CHST11: variants seen among roughly 807,000 people sequenced by gnomAD.
The protein encoded by CHST11 is carbohydrate sulfotransferase 11.
Under a neutral mutation model 30.4 loss-of-function variants are expected in CHST11, and 9 were observed. The observed-to-expected ratio is 0.30, with a 90% CI of 0.18 to 0.52. The LOEUF (loss-of-function observed/expected upper bound fraction) is 0.52. CHST11 is among the 20% of genes least tolerant of loss of function. CHST11 has a pLI of 0.97. For synonymous variants in CHST11, 152 were observed against 187.8 expected, an observed-to-expected ratio of 0.81 and a Z score of 1.56; for missense variants, 348 against 460.6, an observed-to-expected ratio of 0.76 and a Z score of 2.24.
chr12:104,479,402 G>A (rs1263373799), intron 1 of CHST11, among the ~76,000 whole-genome samples: 1 of 152,132 alleles, frequency 6.6e-6, no homozygotes, highest in Non-Finnish European at 1.5e-5. Flanking sequence ...TAAGGGCAGG[G>A]ATTTTTATAT....
chr12:104,713,735 T>C (rs557458094), intron 2 of CHST11, among the ~76,000 whole-genome samples: 44 of 152,296 alleles, frequency 2.9e-4, no homozygotes, highest in African/African-American at 1.1e-3. Context: ...AGGCCATTTA[T>C]CCTCATTACC....
At chr12:104,738,208 A>G (rs2040317261) in intron 2 of CHST11, among the ~76,000 whole-genome samples, 1 of 151,894 alleles carries the variant, frequency 6.6e-6, no homozygotes, top group African/African-American at 2.4e-5. Context: ...CTGCCCTGTC[A>G]TTTTGGGCAT....
intron 2 of CHST11, among the ~76,000 whole-genome samples, chr12:104,695,769 C>G (rs904256692): frequency 1.6e-4 from 25 of 152,204 alleles, no homozygotes; most frequent in Non-Finnish European, 7.4e-5. Context: ...CCAGCTCCCC[C>G]TTCACAGCCC....
At chr12:104,751,077 G>T (rs1275586040) in intron 2 of CHST11, among the ~76,000 whole-genome samples, 2 of 152,154 alleles carry the variant, frequency 1.3e-5, no homozygotes, top group South Asian at 2.1e-4. Flanking sequence ...CAAATACCAG[G>T]TTTAAAAGCC....
chr12:104,562,678 G>A (rs2038525095), intron 1 of CHST11, among the ~76,000 whole-genome samples: 1 of 152,186 alleles, frequency 6.6e-6, no homozygotes, highest in Non-Finnish European at 1.5e-5. Context: ...GGGGGCTTAG[G>A]CATTATTAAT....
chr12:104,677,881 T>C (rs959644941), intron 2 of CHST11, among the ~76,000 whole-genome samples: 1 of 152,178 alleles, frequency 6.6e-6, no homozygotes, highest in Non-Finnish European at 1.5e-5. Context: ...TGGCCCACAT[T>C]CCTCAAACAT....
At chr12:104,717,028 G>T (rs1021821330) in intron 2 of CHST11, among the ~76,000 whole-genome samples, 4 of 152,124 alleles carry the variant, frequency 2.6e-5, no homozygotes, top group African/African-American at 9.7e-5. Flanking sequence ...TCTTATCACT[G>T]AATCCCCTGC....
At chr12:104,610,130 C>A (rs1283271662) in intron 2 of CHST11, among the ~76,000 whole-genome samples, 2 of 149,768 alleles carry the variant, frequency 1.3e-5, no homozygotes, top group Admixed American at 1.3e-4. Context: ...TTCACTCAAC[C>A]TTTATTCTAT....
chr12:104,463,279 A>AT (rs575892119), intron 1 of CHST11, among the ~76,000 whole-genome samples: 6 of 150,720 alleles, frequency 4.0e-5, no homozygotes, highest in East Asian at 1.9e-4. Flanking sequence ...CTGCTGATTC[A>AT]TTTTTTTTTC....
intron 2 of CHST11, among the ~76,000 whole-genome samples, chr12:104,640,988 G>A (rs2039371283): frequency 6.6e-6 from 1 of 152,178 alleles, no homozygotes; most frequent in South Asian, 2.1e-4. Context: ...CAACAGAGAG[G>A]GGAGAAGCAG....
intron 2 of CHST11, among the ~76,000 whole-genome samples, chr12:104,607,685 G>A (rs1183507182): frequency 2.0e-5 from 3 of 152,186 alleles, no homozygotes; most frequent in Non-Finnish European, 4.4e-5. Context: ...AGAACTGTGA[G>A]GGGTTTGTGG....
At chr12:104,732,315 T>A (rs2040264665) in intron 2 of CHST11, among the ~76,000 whole-genome samples, 3 of 152,188 alleles carry the variant, frequency 2.0e-5, no homozygotes, top group African/African-American at 7.2e-5. Flanking sequence ...CTCAGAAAGA[T>A]GAAAGCAGTG....
chr12:104,723,815 A>G (rs772960635), intron 2 of CHST11, among the ~76,000 whole-genome samples: 11 of 152,374 alleles, frequency 7.2e-5, no homozygotes, highest in Non-Finnish European at 1.5e-4. Flanking sequence ...TTCTCAGAGA[A>G]AAACAGTTCC....
At chr12:104,533,587 T>TA (rs1370484044) in intron 1 of CHST11, among the ~76,000 whole-genome samples, 1 of 152,056 alleles carries the variant, frequency 6.6e-6, no homozygotes, top group East Asian at 1.9e-4. Context: ...ACTTGACAAC[T>TA]AAAAAAATGA....
chr12:104,743,324 G>A (rs2040363495), intron 2 of CHST11, among the ~76,000 whole-genome samples: 1 of 152,196 alleles, frequency 6.6e-6, no homozygotes, highest in Non-Finnish European at 1.5e-5. Flanking sequence ...CTGAGTGTGA[G>A]CCTTCCTAAC....
At chr12:104,481,268 C>G (rs1283002585) in intron 1 of CHST11, among the ~76,000 whole-genome samples, 1 of 152,202 alleles carries the variant, frequency 6.6e-6, no homozygotes, top group Admixed American at 6.5e-5. Flanking sequence ...GCCACTCTGC[C>G]TTCTTTCAGT....
intron 1 of CHST11, among the ~76,000 whole-genome samples, chr12:104,542,393 TATAAAC>T (rs2038294496): frequency 6.6e-6 from 1 of 152,192 alleles, no homozygotes; most frequent in African/African-American, 2.4e-5. Context: ...CCAAATGTAA[TATAAAC>T]ATACAATGGA....
At chr12:104,652,543 A>G (rs537678146) in intron 2 of CHST11, among the ~76,000 whole-genome samples, 1 of 152,302 alleles carries the variant, frequency 6.6e-6, no homozygotes, top group East Asian at 1.9e-4. Flanking sequence ...TGGAGAACAG[A>G]GCTCAGATTT....
At chr12:104,678,935 A>C in intron 2 of CHST11, among the ~76,000 whole-genome samples, 1 of 152,132 alleles carries the variant, frequency 6.6e-6, no homozygotes, top group East Asian at 1.9e-4. Flanking sequence ...ACACAGTCTT[A>C]GGGTTATTTT....
Sources: gnomAD v4.1 joint callset for allele counts (sites outside exome capture counted in the v4.1 genomes callset) on GRCh38, gnomAD v4.1.1 for gene constraint, MANE v1.5 for transcripts, NCBI Gene and HGNC (gene_info 2026-07-23, HGNC 2026-07-21) for gene names.